Variants in PIK3C2G observed in about 807,000 individuals in gnomAD.
PIK3C2G encodes phosphatidylinositol 3-kinase C2 domain-containing subunit gamma.
In PIK3C2G, 168 loss-of-function variants were observed where a neutral mutation model predicts 181.1. The ratio of observed to expected loss-of-function variants is 0.93; its 90% confidence interval spans 0.82 to 1.05. The LOEUF (loss-of-function observed/expected upper bound fraction) is 1.05. Among genes scored for constraint, PIK3C2G ranks in the 50% least tolerant of loss-of-function variants. The probability of loss-of-function intolerance (pLI) is 0.00; values close to 1 mark genes in which losing one functional copy is unlikely to be tolerated. For missense variants in PIK3C2G, 1,869 were observed against 1,732.8 expected (o/e 1.08, Z -1.40); for synonymous variants, 573 against 592.2 (o/e 0.97, Z 0.47).
At chr12:18,444,017 C>A (rs1442500951) in intron 18 of PIK3C2G, among the ~76,000 whole-genome samples, 1 of 152,162 alleles carries the variant, frequency 6.6e-6, no homozygotes, top group East Asian at 1.9e-4. Flanking sequence ...TTTTATCTGG[C>A]AAGAAACAAA....
At chr12:18,468,657 C>A (rs909946222) in intron 18 of PIK3C2G, among the ~76,000 whole-genome samples, 1 of 151,962 alleles carries the variant, frequency 6.6e-6, no homozygotes, top group African/African-American at 2.4e-5. Flanking sequence ...CATTGTGATT[C>A]ATTGTTGTAG....
At chr12:18,693,046 A>G in the PIK3C2G span, 9 of 1,469,110 alleles carry the variant, frequency 6.1e-6, no homozygotes, top group East Asian at 2.0e-4. Context: ...CCATTAGAAG[A>G]AAAGCAAGAA....
chr12:18,652,007 G>A (rs976958123), downstream of PIK3C2G, among the ~76,000 whole-genome samples: 4 of 152,060 alleles, frequency 2.6e-5, no homozygotes, highest in Non-Finnish European at 5.9e-5. Context: ...TATTGGAGGA[G>A]AATAAAACAT....
intron 1 of PIK3C2G, among the ~76,000 whole-genome samples, chr12:18,254,970 T>G (rs1424288595): frequency 6.6e-6 from 1 of 151,978 alleles, no homozygotes; most frequent in Non-Finnish European, 1.5e-5. Context: ...GGCTCACCCC[T>G]GTAATCCCAG....
At chr12:18,489,642 T>A (rs1166118121) in intron 19 of PIK3C2G, among the ~76,000 whole-genome samples, 2 of 152,124 alleles carry the variant, frequency 1.3e-5, no homozygotes, top group South Asian at 2.1e-4. Context: ...TTAAGGCATA[T>A]AATAGGATAA....
At chr12:18,721,357 A>G in the PIK3C2G span, among the ~76,000 whole-genome samples, 1 of 152,074 alleles carries the variant, frequency 6.6e-6, no homozygotes, top group Non-Finnish European at 1.5e-5. Context: ...ATTGGCCTTA[A>G]TAAGACACCA....
chr12:18,300,561 T>C (rs1425401089), intron 5 of PIK3C2G, among the ~76,000 whole-genome samples: 1 of 152,104 alleles, frequency 6.6e-6, no homozygotes, highest in African/African-American at 2.4e-5. Context: ...TTTTTTAAAA[T>C]CCATTCAACC....
At position 18,599,411 on chromosome 12, in the gene PIK3C2G, C is replaced by T. The variant is rs924117718; in HGVS notation, c.4087+4842C>T. Among the ~76,000 whole-genome samples the T allele has an allele frequency of 1.3e-4, 20 of 151,722 alleles. 1 individual carries two copies. Among genetic ancestry groups the T allele is most frequent in the Non-Finnish European group, 5.9e-5 (4 of 68,004 alleles). ...ACTATCGCAAGAGCAAAAAACCAAA[C>T]ACCGCATATTCTCACTCATAGGTGG... On this transcript the variant is annotated intron_variant, in intron 30 of 32. Coordinates refer to ENST00000538779, the MANE Select transcript of PIK3C2G (RefSeq NM_001288772.2).
At chr12:18,436,181 CAAG>C (rs1430318638) in intron 18 of PIK3C2G, among the ~76,000 whole-genome samples, 1 of 152,046 alleles carries the variant, frequency 6.6e-6, no homozygotes, top group African/African-American at 2.4e-5. Flanking sequence ...ATCATTGTTA[CAAG>C]AAGATTGACA....
chr12:18,644,449 T>C (rs1950009563), intron 32 of PIK3C2G, among the ~76,000 whole-genome samples: 1 of 152,202 alleles, frequency 6.6e-6, no homozygotes, highest in South Asian at 2.1e-4. Context: ...ATTTTGTATA[T>C]TGTAACCTTT....
At chr12:18,570,198 A>G (rs1190685254) in intron 29 of PIK3C2G, among the ~76,000 whole-genome samples, 2 of 151,412 alleles carry the variant, frequency 1.3e-5, no homozygotes, top group South Asian at 2.1e-4. Context: ...TTCTTTATCC[A>G]TAAATAAAAT....
At chr12:18,660,787 ATG>A in the PIK3C2G span, among the ~76,000 whole-genome samples, 1 of 152,190 alleles carries the variant, frequency 6.6e-6, no homozygotes, top group African/African-American at 2.4e-5. Flanking sequence ...ACAGGAAAGT[ATG>A]TCTCATTCAA....
chr12:18,289,767 T>C (rs1465611316), intron 3 of PIK3C2G, among the ~76,000 whole-genome samples: 1 of 152,166 alleles, frequency 6.6e-6, no homozygotes, highest in African/African-American at 2.4e-5. Flanking sequence ...ATGGAGGAGA[T>C]GTTTCCATGG....
chr12:18,631,677 A>T (rs1460851258), intron 31 of PIK3C2G, among the ~76,000 whole-genome samples: 2 of 152,206 alleles, frequency 1.3e-5, no homozygotes, highest in Admixed American at 6.5e-5. Context: ...ATGTGGTGGC[A>T]GATGAACCAA....
chr12:18,390,977 G>T, intron 14 of PIK3C2G, 145 bp from the exon 15 acceptor site: 1 of 506,018 alleles, frequency 2.0e-6, no homozygotes. Flanking sequence ...AATTATTTTA[G>T]AAATTATTTT....
At chr12:18,243,637 G>A (rs1045560976), upstream of PIK3C2G, among the ~76,000 whole-genome samples, 17 of 151,960 alleles carry the variant, frequency 1.1e-4, no homozygotes, top group African/African-American at 3.4e-4. Flanking sequence ...TAAAGTGCTT[G>A]TTATGGAGCC....
intron 24 of PIK3C2G, 103 bp downstream of exon 24, chr12:18,505,564 C>A: frequency 1.5e-6 from 1 of 677,974 alleles, no homozygotes; most frequent in Non-Finnish European, 2.3e-6. Context: ...TCCCATCTCT[C>A]AAATCCCCCC....
chr12:18,254,491 T>A (rs1048335785), intron 1 of PIK3C2G, among the ~76,000 whole-genome samples: 11 of 152,068 alleles, frequency 7.2e-5, no homozygotes, highest in Admixed American at 6.5e-5. Context: ...TTATTATAAT[T>A]TTTTAATATC....
the PIK3C2G span, among the ~76,000 whole-genome samples, chr12:18,674,324 C>T: frequency 1.4e-4 from 21 of 152,282 alleles, 1 homozygote; most frequent in African/African-American, 4.8e-4. Flanking sequence ...AACACCTTCA[C>T]ACTATCCTCT....
Sources: gnomAD v4.1 joint callset for allele counts (sites outside exome capture counted in the v4.1 genomes callset) on GRCh38, gnomAD v4.1.1 for gene constraint, MANE v1.5 for transcripts, NCBI Gene and HGNC (gene_info 2026-07-23, HGNC 2026-07-21) for gene names.